KCNJ6: variants seen among roughly 807,000 people sequenced by gnomAD.
KCNJ6 encodes potassium inwardly rectifying channel subfamily J member 6, also known as G protein-activated inward rectifier potassium channel 2.
A neutral mutation model predicts 34.2 loss-of-function variants in KCNJ6; 9 were observed. The observed-to-expected ratio is 0.26, with a 90% CI of 0.16 to 0.46. The LOEUF is 0.46. Ranked by LOEUF, KCNJ6 falls within the 20% of genes least tolerant of loss-of-function variation. KCNJ6 has a pLI of 1.00. For synonymous variants in KCNJ6, 196 were observed against 207.1 expected (o/e 0.95, Z 0.46); for missense variants, 236 against 531.3 (o/e 0.44, Z 5.46).
chr21:37,782,783 G>A (rs1194410555), intron 2 of KCNJ6, among the ~76,000 whole-genome samples: 1 of 151,876 alleles, frequency 6.6e-6, no homozygotes, highest in Non-Finnish European at 1.5e-5. Flanking sequence ...TGTGGAGCTG[G>A]ATATTTATCT....
chr21:37,907,225 C>G (rs771467581), intron 1 of KCNJ6, among the ~76,000 whole-genome samples: 3 of 152,152 alleles, frequency 2.0e-5, no homozygotes, highest in Non-Finnish European at 2.9e-5. Context: ...AGTCCTGTAC[C>G]CTTCCTCTTA....
intron 3 of KCNJ6, among the ~76,000 whole-genome samples, chr21:37,647,968 G>T (rs1207597835): frequency 6.6e-6 from 1 of 152,184 alleles, no homozygotes; most frequent in Non-Finnish European, 1.5e-5. Flanking sequence ...CCTCAAGTTG[G>T]GACAAGCAGT....
At chr21:37,698,844 G>A (rs1601424829) in intron 3 of KCNJ6, among the ~76,000 whole-genome samples, 1 of 152,104 alleles carries the variant, frequency 6.6e-6, no homozygotes, top group East Asian at 1.9e-4. Context: ...TTATATGTGT[G>A]TGCCACCACG....
At chr21:37,649,260 C>T (rs566971238) in intron 3 of KCNJ6, among the ~76,000 whole-genome samples, 149 of 152,050 alleles carry the variant, frequency 9.8e-4, no homozygotes, top group Admixed American at 2.4e-3. Flanking sequence ...TGGGAGAGGC[C>T]GAGGAGTTCC....
intron 3 of KCNJ6, among the ~76,000 whole-genome samples, chr21:37,691,377 A>C (rs1162090700): frequency 1.3e-5 from 2 of 152,174 alleles, no homozygotes; most frequent in African/African-American, 2.4e-5. Flanking sequence ...GATGCTCCCA[A>C]ATCTTAACTT....
chr21:37,713,602 G>A lies in KCNJ6; in HGVS notation c.946+609C>T, dbSNP rs574721333. On this transcript the variant is annotated intron_variant, in intron 3 of 3. Transcript: ENST00000609713. ...ATTAGCCATTAACAGCAGGAGGGCC[G>A]GCGGGATTAAGATGAATGGATCTTC... 2.2e-4 allele frequency among the ~76,000 whole-genome samples: 34 copies of A among 152,256 alleles called. 1 individual carries two copies. Among genetic ancestry groups the A allele is most frequent in the Middle Eastern group, 6.8e-3 (2 of 294 alleles).
rs140037696 is a variant in KCNJ6 at position 37,723,872 on chromosome 21, T to G, written c.26-8741A>C. 5.3e-5 allele frequency among the ~76,000 whole-genome samples: 8 copies of G among 151,852 alleles called. No homozygotes were observed. The East Asian group carries it at 1.6e-3, about 29-fold the overall frequency. Reference sequence around the variant, plus strand: ...ACCTCAGCATCAAGCAATATGCCCATGTAACAATCCTGCACACGTACTCCT... The same window carrying G: ...ACCTCAGCATCAAGCAATATGCCCAGGTAACAATCCTGCACACGTACTCCT... On this transcript the variant is annotated intron_variant, in intron 2 of 3. Coordinates refer to ENST00000609713, the MANE Select transcript of KCNJ6 (RefSeq NM_002240.5).
chr21:37,791,145 C>T (rs1056676595), intron 2 of KCNJ6, among the ~76,000 whole-genome samples: 10 of 152,252 alleles, frequency 6.6e-5, no homozygotes, highest in Admixed American at 4.6e-4. Flanking sequence ...CTGGACCAGG[C>T]ATGAGGTCAT....
chr21:37,875,927 T>A (rs2055675921), intron 1 of KCNJ6, among the ~76,000 whole-genome samples: 1 of 152,194 alleles, frequency 6.6e-6, no homozygotes, highest in African/African-American at 2.4e-5. Context: ...TTTGTAAAGA[T>A]CTGCAAGTTT....
chr21:37,787,251 T>C (rs961982804), intron 2 of KCNJ6, among the ~76,000 whole-genome samples: 1 of 152,198 alleles, frequency 6.6e-6, no homozygotes, highest in Non-Finnish European at 1.5e-5. Context: ...GTATAAAAAC[T>C]TGCCTGGAAA....
intron 1 of KCNJ6, among the ~76,000 whole-genome samples, chr21:37,854,001 GA>G (rs1250338495): frequency 5.3e-5 from 8 of 150,330 alleles, no homozygotes; most frequent in African/African-American, 2.0e-4. Context: ...ATAACCCACA[GA>G]ATTTCAGAAA....
intron 2 of KCNJ6, among the ~76,000 whole-genome samples, chr21:37,810,170 T>A (rs1166272828): frequency 1.3e-5 from 2 of 152,152 alleles, no homozygotes. Context: ...TCAAGTAGGA[T>A]CATATTATAC....
intron 1 of KCNJ6, among the ~76,000 whole-genome samples, chr21:37,892,711 A>G (rs2055768066): frequency 1.3e-5 from 2 of 152,308 alleles, no homozygotes; most frequent in Admixed American, 6.5e-5. Flanking sequence ...TAGGATGTCT[A>G]TGGCAACCCC....
chr21:37,664,547 T>C (rs2054504999), intron 3 of KCNJ6, among the ~76,000 whole-genome samples: 1 of 152,062 alleles, frequency 6.6e-6, no homozygotes, highest in African/African-American at 2.4e-5. Flanking sequence ...TATCATGAAT[T>C]CATACCAGCA....
rs902305864 is a variant in KCNJ6, at chr21:37,859,453, T to C, written c.-27-18744A>G. 5.0e-5 allele frequency among the ~76,000 whole-genome samples: 3 copies of C among 59,418 alleles called. 1 individual carries two copies. The highest frequency in any genetic ancestry group is 2.2e-4 in the African/African-American group (3 of 13,450). The allele number at this position is 59,418 out of a possible 152,430, so 39.0% of individuals were successfully genotyped here. On this transcript the variant is annotated intron_variant, in intron 1 of 3. Transcript: ENST00000609713. ...ACTGGAGTCTAGGAAGGGTTTTTCA[T>C]TGTCCACAATTTTAACTATGGGCTT...
intron 1 of KCNJ6, among the ~76,000 whole-genome samples, chr21:37,867,723 T>C (rs1017633210): frequency 7.2e-5 from 11 of 152,088 alleles, no homozygotes; most frequent in Non-Finnish European, 1.6e-4. Context: ...AAAAACCATA[T>C]GATAAAAATA....
chr21:37,843,188 C>G (rs545450344), intron 1 of KCNJ6, among the ~76,000 whole-genome samples: 52 of 152,280 alleles, frequency 3.4e-4, no homozygotes, highest in Admixed American at 1.4e-3. Context: ...CCTAAGGACC[C>G]TGCCACATTC....
At chr21:37,833,125 C>T (rs2055434882) in intron 2 of KCNJ6, among the ~76,000 whole-genome samples, 1 of 152,192 alleles carries the variant, frequency 6.6e-6, no homozygotes, top group South Asian at 2.1e-4. Flanking sequence ...AGCAGTTCTC[C>T]TGCCTCAGCC....
chr21:37,693,937 A>ATTT (rs2054652189), intron 3 of KCNJ6, among the ~76,000 whole-genome samples: 2 of 55,864 alleles, frequency 3.6e-5, no homozygotes, highest in African/African-American at 2.0e-4. Flanking sequence ...TTTTTTTTTA[A>ATTT]AAAAAACAAA....
Sources: allele counts gnomAD v4.1 joint callset (sites outside exome capture counted in the v4.1 genomes callset), GRCh38; gene constraint gnomAD v4.1.1; transcripts MANE v1.5; gene names NCBI Gene and HGNC (gene_info 2026-07-23, HGNC 2026-07-21).